Variants in WEE1 observed in about 807,000 individuals in gnomAD.
WEE1 encodes WEE1 G2 checkpoint kinase, also known as wee1-like protein kinase.
In WEE1, 16 loss-of-function variants were observed where a neutral mutation model predicts 68.8. That is an observed-to-expected ratio of 0.23 (90% confidence interval 0.16 to 0.35). The LOEUF (loss-of-function observed/expected upper bound fraction) is 0.35. WEE1 is among the 10% of genes least tolerant of loss of function. The pLI, the probability that WEE1 is intolerant of heterozygous loss-of-function variation, is 1.00. For synonymous variants in WEE1, 349 were observed against 318.7 expected (o/e 1.09, Z -1.01); for missense variants, 651 against 824.1 (o/e 0.79, Z 2.57).
At chr11:9,587,461 T>G (rs1317685332) in intron 10 of WEE1, among the ~76,000 whole-genome samples, 3 of 152,228 alleles carry the variant, frequency 2.0e-5, no homozygotes, top group Admixed American at 2.0e-4. Flanking sequence ...TACCAATCTT[T>G]TCTTCCCAGA....
chr11:9,577,497 T>A, intron 5 of WEE1: 1 of 459,774 alleles, frequency 2.2e-6, no homozygotes, highest in South Asian at 2.4e-5. Context: ...TCGCTCCAAC[T>A]GAGCTTTTTG....
At position 9,584,097 on chromosome 11, in the gene WEE1, T is replaced by C. The variant is rs187059820; in HGVS notation, c.1289-1161T>C. On this transcript the variant is annotated intron_variant, in intron 6 of 10. Transcript: ENST00000450114. ...CTGACCTCAAGTGATCCGCCCACCT[T>C]GGCCTCCCAAAGTGCTGGGATTACA... 5.0e-3 allele frequency among the ~76,000 whole-genome samples: 755 copies of C among 151,774 alleles called. 7 individuals are homozygous for C. Among genetic ancestry groups the C allele is most frequent in the Non-Finnish European group, 4.8e-3 (325 of 67,910 alleles).
Position 9,588,904 on chromosome 11 carries a change from TG to T in WEE1, c.*303del. 2.0e-6 allele frequency: 2 copies of T among 1,010,390 alleles called. No individual in the cohort carries two copies. 62.6% of individuals were successfully genotyped at this position (1,010,390 alleles called of 1,614,324 possible). On this transcript the variant is annotated 3_prime_UTR_variant, in exon 11 of 11. Transcript: ENST00000450114. ...TTTGCTGTTGCATTGTAATAAAAGG[TG>T]TCTTTCCCTGTAGTGACCTGTAAAA...
chr11:9,584,188 T>TG (rs1849675846), intron 6 of WEE1, among the ~76,000 whole-genome samples: 2 of 152,236 alleles, frequency 1.3e-5, no homozygotes, highest in Non-Finnish European at 1.5e-5. Context: ...CAGGCTAGAA[T>TG]GCAGTGGTGC....
chr11:9,577,735 C>CA (rs941513550), intron 5 of WEE1: 17 of 344,842 alleles, frequency 4.9e-5, no homozygotes, highest in Non-Finnish European at 1.1e-5. Context: ...GCCCTACTCC[C>CA]ACGTATCCAA....
At chr11:9,577,449 T>C in intron 5 of WEE1, 186 bp downstream of exon 5, 2 of 629,524 alleles carry the variant, frequency 3.2e-6, no homozygotes, top group Non-Finnish European at 5.3e-6. Context: ...CTTGTACATA[T>C]CTCAGTAGTA....
At chr11:9,577,455 T>C in intron 5 of WEE1, 192 bp downstream of exon 5, 1 of 597,846 alleles carries the variant, frequency 1.7e-6, no homozygotes, top group South Asian at 2.1e-5. Context: ...CATATCTCAG[T>C]AGTAGAACTT....
At position 9,588,785 on chromosome 11, in the gene WEE1, A is replaced by C; in HGVS notation, c.*183A>C. The C allele has an allele frequency of 8.1e-7, 1 of 1,234,308 alleles. No individual in the cohort carries two copies. The highest frequency in any genetic ancestry group is 3.7e-5 in the East Asian group (1 of 27,268). The allele number at this position is 1,234,308 out of a possible 1,614,324, so 76.5% of individuals were successfully genotyped here. A position where few individuals can be genotyped will look rare whatever the true frequency, so the allele number is the denominator to read the frequency against. On this transcript the variant is annotated 3_prime_UTR_variant, in exon 11 of 11. Transcript: ENST00000450114. ...TGATTGCTATGTCAGGCTTTCATCT[A>C]ATCTTACCAGTCTGTCTTCTGTAGG...
intron 6 of WEE1, among the ~76,000 whole-genome samples, chr11:9,583,362 C>A (rs930644655): frequency 3.3e-5 from 5 of 151,892 alleles, no homozygotes; most frequent in Admixed American, 2.6e-4. Flanking sequence ...CGCCTGTAAT[C>A]CCAGCACTTT....
In WEE1 at chr11:9,576,589, G is replaced by A. The variant is rs1849567509; in HGVS notation, c.949G>A (p.Val317Met). 3 of 1,613,920 alleles carry A rather than the reference G, an allele frequency of 1.9e-6. No homozygotes were observed. The highest frequency in any genetic ancestry group is 2.2e-5 in the East Asian group (1 of 44,862). Residue 317 changes from valine to methionine, a missense_variant, in exon 4 of 11, where the codon GTG (valine) becomes ATG (methionine). Around this residue, in one of 5 missense-constraint regions of WEE1, gnomAD observed 41 missense variants for 125.6 expected, o/e 0.33. Transcript: ENST00000450114. This position sits in a 1 kb window ranked among gnomAD's most constrained non-coding sequence, Gnocchi z 4.3. ...AGAATTTGGTTCTGTATTTAAGTGTGTGAAGAGGCTGGATGGATGCATTTA... is the reference window on the plus strand; with the variant it reads ...AGAATTTGGTTCTGTATTTAAGTGTATGAAGAGGCTGGATGGATGCATTTA... ...SGEFGSVFKCVKRLDGCIYAI... is the reference protein window; with the variant it reads ...SGEFGSVFKCMKRLDGCIYAI...
At chr11:9,582,508 T>C (rs1849638920) in intron 6 of WEE1, among the ~76,000 whole-genome samples, 1 of 152,196 alleles carries the variant, frequency 6.6e-6, no homozygotes. Flanking sequence ...TGTACAACTT[T>C]ATGAGTTATA....
intron 8 of WEE1, among the ~76,000 whole-genome samples, chr11:9,585,917 A>G (rs1849694873): frequency 6.6e-6 from 1 of 152,228 alleles, no homozygotes; most frequent in Non-Finnish European, 1.5e-5. Flanking sequence ...TAATAAGAGA[A>G]TGATTAAGTA....
chr11:9,574,565 A>G lies in WEE1; in HGVS notation c.576+56A>G. 2.6e-6 allele frequency: 3 copies of G among 1,135,258 alleles called. No homozygotes were observed. The highest frequency in any genetic ancestry group is 3.2e-6 in the Non-Finnish European group (3 of 928,648). 70.3% of individuals were successfully genotyped at this position (1,135,258 alleles called of 1,614,324 possible). On this transcript the variant is annotated intron_variant, in intron 1 of 10. Coordinates refer to ENST00000450114, the MANE Select transcript of WEE1 (RefSeq NM_003390.4). The surrounding 1 kb of genome is among the most constrained non-coding windows in gnomAD (Gnocchi z 4.9). Reference sequence around the variant, plus strand: ...CCGGGGCCGCGGCGCCGGAGGGGCCAGCGCCGCTGCCTGGGTTCGGTTACA... The same window carrying G: ...CCGGGGCCGCGGCGCCGGAGGGGCCGGCGCCGCTGCCTGGGTTCGGTTACA...
chr11:9,582,268 T>C (rs1228635552), intron 6 of WEE1, among the ~76,000 whole-genome samples: 1 of 152,260 alleles, frequency 6.6e-6, no homozygotes, highest in African/African-American at 2.4e-5. Flanking sequence ...GAACCCATCC[T>C]CTGCTTTGTA....
rs1380216269 is a variant in WEE1, at chr11:9,576,416, C to T, written c.847-71C>T. 1.1e-5 allele frequency: 17 copies of T among 1,571,760 alleles called. No homozygotes were observed. The Admixed American group carries it at 1.5e-4, about 13-fold the overall frequency. On this transcript the variant is annotated intron_variant, in intron 3 of 10. Coordinates refer to ENST00000450114, the MANE Select transcript of WEE1 (RefSeq NM_003390.4). The surrounding 1 kb of genome is among the most constrained non-coding windows in gnomAD (Gnocchi z 4.3). The stretch of plus-strand genomic sequence containing the variant: ...TGGTTTTTAAATTTCACACATAGCC[C>T]TATCACCATAGCAAGAAATAACTGT...
In WEE1 at chr11:9,589,233, G is replaced by A. The variant is rs899815933; in HGVS notation, c.*631G>A. ...TAGGTCTTCTTTTTGAAACAATTATGTGAAATGTATAGCTGCTTTTGATGA... is the reference window on the plus strand; with the variant it reads ...TAGGTCTTCTTTTTGAAACAATTATATGAAATGTATAGCTGCTTTTGATGA... On this transcript the variant is annotated 3_prime_UTR_variant, in exon 11 of 11. Coordinates refer to ENST00000450114, the MANE Select transcript of WEE1 (RefSeq NM_003390.4). The A allele has an allele frequency of 2.7e-5, 27 of 983,664 alleles. No homozygotes were observed. The highest frequency in any genetic ancestry group is 3.1e-5 in the Non-Finnish European group (26 of 829,412). The allele number at this position is 983,664 out of a possible 1,614,324, so 60.9% of individuals were successfully genotyped here.
chr11:9,587,056 G>C (rs1849708452), intron 10 of WEE1, among the ~76,000 whole-genome samples, 200 bp downstream of exon 10: 1 of 152,160 alleles, frequency 6.6e-6, no homozygotes, highest in African/African-American at 2.4e-5. Flanking sequence ...CACCTCCTGG[G>C]CTCAAGCTAT....
chr11:9,575,765 A>T (rs1849558617), intron 1 of WEE1, 123 bp from the exon 2 acceptor site: 2 of 756,680 alleles, frequency 2.6e-6, no homozygotes, highest in South Asian at 3.7e-5. Context: ...ACTCTAACAA[A>T]GGCTTGTGTG....
intron 5 of WEE1, 179 bp downstream of exon 5, chr11:9,577,442 G>A: frequency 3.0e-6 from 2 of 669,982 alleles, no homozygotes; most frequent in Non-Finnish European, 4.9e-6. Context: ...GAAGCACCTT[G>A]TACATATCTC....
Sources: allele counts gnomAD v4.1 joint callset (sites outside exome capture counted in the v4.1 genomes callset), GRCh38; gene constraint gnomAD v4.1.1; regional missense constraint gnomAD v4.1.1; non-coding constraint Gnocchi (gnomAD v3.1); transcripts MANE v1.5; gene names NCBI Gene and HGNC (gene_info 2026-07-23, HGNC 2026-07-21).